The following TMEM65 variants were observed in gnomAD, a reference collection of about 807,000 sequenced individuals.
TMEM65 encodes the protein transmembrane protein 65.
A neutral mutation model predicts 25.4 loss-of-function variants in TMEM65; 22 were observed. The ratio of observed to expected loss-of-function variants is 0.86; its 90% CI spans 0.62 to 1.23. The LOEUF is 1.23. TMEM65 is among the 50% of genes most tolerant of loss of function. The pLI, the probability that TMEM65 is intolerant of heterozygous loss-of-function variation, is 0.00. For missense variants in TMEM65, 262 were observed against 308.2 expected, an observed-to-expected ratio of 0.85 and a Z score of 1.12; for synonymous variants, 132 against 126.2, an observed-to-expected ratio of 1.05 and a Z score of -0.31.
chr8:124,314,170 C>CAT (rs1814202944), intron 6 of TMEM65, 109 bp from the exon 7 acceptor site: 1 of 771,620 alleles, frequency 1.3e-6, no homozygotes, highest in Middle Eastern at 2.4e-4. Flanking sequence ...TGCTACCCTT[C>CAT]ATATATATTC....
chr8:124,325,387 T>C (rs967640244), intron 3 of TMEM65, among the ~76,000 whole-genome samples: 2 of 151,942 alleles, frequency 1.3e-5, no homozygotes, highest in Admixed American at 1.3e-4. Context: ...AGTCTCAGCA[T>C]TCTATATAAC....
chr8:124,352,610 T>G (rs543111104), intron 1 of TMEM65, among the ~76,000 whole-genome samples: 8 of 151,426 alleles, frequency 5.3e-5, no homozygotes, highest in East Asian at 1.9e-4. Context: ...CTAGAAGAGG[T>G]AGGATTTAGC....
rs573908191 is a variant in TMEM65 at position 124,310,252 on chromosome 8, A to T, written c.*3708T>A. ...GAGGGTACAGATGTTCTGGTTGTTC[A>T]CTCAGTGCCTTGAACATCCTAGCAC... On this transcript the variant is annotated 3_prime_UTR_variant, in exon 7 of 7. Transcript: ENST00000297632. 2 of 152,342 alleles carry T rather than the reference A, an allele frequency of 1.3e-5. No homozygotes were observed. The highest frequency in any genetic ancestry group is 2.1e-4 in the South Asian group (1 of 4,834). 9.4% of individuals were successfully genotyped at this position (152,342 alleles called of 1,614,324 possible).
At position 124,311,964 on chromosome 8, in the gene TMEM65, T is replaced by A. The variant is rs148198613; in HGVS notation, c.*1996A>T. The stretch of plus-strand genomic sequence containing the variant: ...CAAGAGCAAGAAGAAAAAACAATAA[T>A]CAAAAGCCCTTTCTAAAGTCACAGG... On this transcript the variant is annotated 3_prime_UTR_variant, in exon 7 of 7. Coordinates refer to ENST00000297632, the MANE Select transcript of TMEM65 (RefSeq NM_194291.3). The A allele has an allele frequency of 6.6e-6, 1 of 152,438 alleles. No homozygotes were observed. The highest frequency in any genetic ancestry group is 2.1e-4 in the South Asian group (1 of 4,820). The allele number at this position is 152,438 out of a possible 1,614,324, so 9.4% of individuals were successfully genotyped here.
intron 2 of TMEM65, 42 bp downstream of exon 2, chr8:124,330,706 A>G (rs751487577): frequency 6.3e-7 from 1 of 1,575,772 alleles, no homozygotes; most frequent in South Asian, 1.1e-5. Flanking sequence ...TTCAAGGCCA[A>G]AAGACAGATG....
intron 1 of TMEM65, among the ~76,000 whole-genome samples, chr8:124,361,935 G>C (rs73333910): frequency 0.075 from 11,440 of 152,076 alleles, 460 homozygotes; most frequent in African/African-American, 0.11. Flanking sequence ...TTATAGCCCA[G>C]GCTGGAGTGC....
intron 1 of TMEM65, among the ~76,000 whole-genome samples, chr8:124,338,976 G>T (rs1814546002): frequency 6.6e-6 from 1 of 151,570 alleles, no homozygotes; most frequent in African/African-American, 2.4e-5. Context: ...GGATCACAAG[G>T]TCAGGAGTTC....
chr8:124,346,751 C>T (rs1586467643), intron 1 of TMEM65, among the ~76,000 whole-genome samples: 1 of 152,114 alleles, frequency 6.6e-6, no homozygotes, highest in African/African-American at 2.4e-5. Flanking sequence ...AGGAAGTAGA[C>T]ATGACAACAC....
intron 1 of TMEM65, among the ~76,000 whole-genome samples, chr8:124,358,181 G>C (rs932412128): frequency 6.6e-6 from 1 of 152,220 alleles, no homozygotes; most frequent in Non-Finnish European, 1.5e-5. Context: ...TTTGGGGCAA[G>C]CTAATCTTCG....
At chr8:124,366,778 T>C (rs994322239) in intron 1 of TMEM65, among the ~76,000 whole-genome samples, 1 of 152,066 alleles carries the variant, frequency 6.6e-6, no homozygotes, top group Non-Finnish European at 1.5e-5. Context: ...TCCCTAGTAA[T>C]AAGACCATTC....
Position 124,356,306 on chromosome 8 carries a change from A to G in TMEM65, c.304+15548T>C, listed in dbSNP as rs138925201. ...ATCACTCTGTGATTTTCCCCCATGC[A>G]TGCCAATAAATTTGTAGGCCATTTC... On this transcript the variant is annotated intron_variant, in intron 1 of 6. Coordinates refer to ENST00000297632, the MANE Select transcript of TMEM65 (RefSeq NM_194291.3). Among the ~76,000 whole-genome samples, 1,036 of 152,318 alleles carry G rather than the reference A, an allele frequency of 6.8e-3. 9 individuals are homozygous for G. The highest frequency in any genetic ancestry group is 0.022 in the African/African-American group (918 of 41,564).
At chr8:124,330,165 T>C (rs1056682989) in intron 2 of TMEM65, among the ~76,000 whole-genome samples, 6 of 151,954 alleles carry the variant, frequency 3.9e-5, no homozygotes, top group Admixed American at 2.0e-4. Flanking sequence ...TAATTCACTA[T>C]ACTGTTAAAT....
intron 1 of TMEM65, among the ~76,000 whole-genome samples, chr8:124,367,008 G>A (rs959836973): frequency 5.3e-5 from 8 of 152,178 alleles, no homozygotes; most frequent in South Asian, 2.1e-4. Context: ...CCCTCTTGCC[G>A]GGCCTAGGTG....
chr8:124,344,341 T>C (rs1240157879), intron 1 of TMEM65, among the ~76,000 whole-genome samples: 2 of 152,236 alleles, frequency 1.3e-5, no homozygotes, highest in African/African-American at 4.8e-5. Flanking sequence ...CATTTTTATT[T>C]TTATTTTTTC....
chr8:124,367,455 A>G (rs1814953517), intron 1 of TMEM65, among the ~76,000 whole-genome samples: 1 of 152,212 alleles, frequency 6.6e-6, no homozygotes, highest in African/African-American at 2.4e-5. Flanking sequence ...CCTGGGCAAC[A>G]GAGTGAGACT....
chr8:124,314,558 T>C (rs547388761), intron 6 of TMEM65, among the ~76,000 whole-genome samples: 92 of 152,378 alleles, frequency 6.0e-4, no homozygotes, highest in Non-Finnish European at 2.8e-4. Flanking sequence ...AATTTCAGTA[T>C]ACATAAATGT....
Position 124,311,745 on chromosome 8 carries a change from C to T in TMEM65, c.*2215G>A, listed in dbSNP as rs1433048284. 2.0e-5 allele frequency: 3 copies of T among 152,120 alleles called. No individual in the cohort carries two copies. Among genetic ancestry groups the T allele is most frequent in the Non-Finnish European group, 2.9e-5 (2 of 67,974 alleles). 9.4% of individuals were successfully genotyped at this position (152,120 alleles called of 1,614,324 possible). A position where few individuals can be genotyped will look rare whatever the true frequency, so the allele number is the denominator to read the frequency against. ...TGGCAAAGCACCATACTAGGGTAGA[C>T]TATGATCTTAAACATATACCTTCAG... On this transcript the variant is annotated 3_prime_UTR_variant, in exon 7 of 7. Coordinates refer to ENST00000297632, the MANE Select transcript of TMEM65 (RefSeq NM_194291.3).
intron 1 of TMEM65, among the ~76,000 whole-genome samples, chr8:124,352,623 T>TA (rs1253216236): frequency 6.6e-6 from 1 of 152,132 alleles, no homozygotes; most frequent in Non-Finnish European, 1.5e-5. Flanking sequence ...GATTTAGCCT[T>TA]AAAGTATTGC....
At chr8:124,356,233 A>T (rs1421897058) in intron 1 of TMEM65, among the ~76,000 whole-genome samples, 1 of 152,094 alleles carries the variant, frequency 6.6e-6, no homozygotes, top group African/African-American at 2.4e-5. Flanking sequence ...TCCCTTCTTA[A>T]ATAAGGAAGG....
Sources: allele counts gnomAD v4.1 joint callset (sites outside exome capture counted in the v4.1 genomes callset), GRCh38; gene constraint gnomAD v4.1.1; transcripts MANE v1.5; gene names NCBI Gene and HGNC (gene_info 2026-07-23, HGNC 2026-07-21).